Variants in GPS1 observed in about 807,000 individuals in gnomAD.
The protein encoded by GPS1 is COP9 signalosome complex subunit 1.
GPS1 carries 11 observed loss-of-function variants against 60.0 expected under a neutral mutation model. That is an observed-to-expected ratio of 0.18 (90% CI 0.12 to 0.30). The LOEUF (loss-of-function observed/expected upper bound fraction) is 0.30, where lower values mean the gene tolerates loss of function less well. Ranked by LOEUF, GPS1 falls within the 10% of genes least tolerant of loss-of-function variation. GPS1 has a pLI of 1.00. For missense variants in GPS1, 543 were observed against 669.2 expected (o/e 0.81, Z 2.08); for synonymous variants, 343 against 269.8 (o/e 1.27, Z -2.66).
rs1197464547 is a variant in GPS1, at chr17:82,056,752, G to A, written c.1240G>A (p.Asp414Asn). 1.3e-6 allele frequency: 2 copies of A among 1,591,534 alleles called. No individual in the cohort carries two copies. Among genetic ancestry groups the A allele is most frequent in the African/African-American group, 2.7e-5 (2 of 74,688 alleles). ...ILEGLISARV[D>N]SHSKILYARD... ...GGAGGGGCTGATCAGTGCCCGTGTG[G>A]ACTCACACAGCAAGGTGGCTGTGGG... The change falls in exon 11 of 13, where the codon GAC (aspartate) becomes AAC (asparagine). Residue 414 changes from aspartate to asparagine, a missense_variant. Asp to Asn is a conservative substitution (Grantham distance 23). Coordinates refer to ENST00000578552, the MANE Select transcript of GPS1 (RefSeq NM_001321092.3).
chr17:82,052,021 C>CCGGGCTGAGGT (rs1598477014), intron 1 of GPS1, 57 bp downstream of exon 1: 1 of 1,118,690 alleles, frequency 8.9e-7, no homozygotes, highest in East Asian at 4.3e-5. Context: ...GCCACTGGGG[C>CCGGGCTGAGGT]CGGGCTGAGG....
In GPS1 at chr17:82,056,686, A is replaced by G. The variant is rs375440587; in HGVS notation, c.1174A>G (p.Thr392Ala). Residue 392 changes from threonine (T) to alanine (A), a missense_variant, in exon 11 of 13, where the codon ACG becomes GCG. By Grantham distance (58) the Thr-to-Ala change is moderately conservative. Transcript: ENST00000578552. ...MHRMAAAFNT[T>A]VAALEDELTQ... Reference sequence around the variant, plus strand: ...TAGGATGGCGGCAGCCTTCAATACCACGGTGGCCGCCCTGGAGGACGAGCT... The same window carrying G: ...TAGGATGGCGGCAGCCTTCAATACCGCGGTGGCCGCCCTGGAGGACGAGCT... 1.1e-5 allele frequency: 18 copies of G among 1,597,830 alleles called. No individual in the cohort carries two copies. Among genetic ancestry groups the G allele is most frequent in the Non-Finnish European group, 1.5e-5 (18 of 1,171,112 alleles).
intron 6 of GPS1, chr17:82,055,482 G>A: frequency 3.3e-6 from 2 of 609,580 alleles, no homozygotes; most frequent in Non-Finnish European, 2.9e-6. Context: ...CTGAACTGGG[G>A]TGTCCTTTGC....
chr17:82,051,847 G>A, upstream of GPS1: 4 of 1,144,196 alleles, frequency 3.5e-6, no homozygotes, highest in Non-Finnish European at 4.3e-6. The surrounding 1 kb of genome is among the most constrained non-coding windows in gnomAD (Gnocchi z 4.1). Context: ...TAAGAACGCA[G>A]CGGCCCCGCC....
upstream of GPS1, chr17:82,051,837 T>A: frequency 8.8e-7 from 1 of 1,135,266 alleles, no homozygotes; most frequent in East Asian, 4.1e-5. The surrounding 1 kb of genome is among the most constrained non-coding windows in gnomAD (Gnocchi z 4.1). Flanking sequence ...GCGGCCCCTT[T>A]AAGAACGCAG....
chr17:82,051,360 T>C (rs1334039223), upstream of GPS1: 1 of 1,462,952 alleles, frequency 6.8e-7, no homozygotes, highest in South Asian at 1.6e-5. This position sits in a 1 kb window ranked among gnomAD's most constrained non-coding sequence, Gnocchi z 4.1. Context: ...AGAAACAATC[T>C]ATGAGGCTTC....
rs1033567318 is a variant in GPS1, at chr17:82,056,938, G to C, written c.1353G>C (p.Leu451=). Residue 451 remains leucine, a synonymous_variant, in exon 12 of 13, where the codon CTG becomes CTC. Transcript: ENST00000578552. ...EFQRRAKAMM[L]RAAVLRNQIH... The stretch of plus-strand genomic sequence containing the variant: ...AGCGCCGCGCCAAGGCCATGATGCT[G>C]CGGGCAGCTGTGCTCCGCAACCAGA... 6.2e-7 allele frequency: 1 copy of C among 1,612,928 alleles called. No homozygotes were observed. Among genetic ancestry groups the C allele is most frequent in the Non-Finnish European group, 8.5e-7 (1 of 1,179,956 alleles).
chr17:82,051,476 C>A (rs2030571049), upstream of GPS1: 1 of 1,349,538 alleles, frequency 7.4e-7, no homozygotes, highest in Non-Finnish European at 9.5e-7. The surrounding 1 kb of genome is among the most constrained non-coding windows in gnomAD (Gnocchi z 4.1). Flanking sequence ...TGGGGCTCGC[C>A]GTCGGGGTCG....
intron 1 of GPS1, 187 bp downstream of exon 1, chr17:82,052,151 G>T: frequency 9.2e-7 from 1 of 1,081,210 alleles, no homozygotes; most frequent in Non-Finnish European, 1.2e-6. Flanking sequence ...GTGGCTGCGC[G>T]CTGCGATCGG....
rs150111604 is a variant in GPS1, at chr17:82,057,183, C to G, written c.*56C>G. On this transcript the variant is annotated 3_prime_UTR_variant, in exon 13 of 13. Coordinates refer to ENST00000578552, the MANE Select transcript of GPS1 (RefSeq NM_001321092.3). ...ACCCCCTCCCCACCTCCACGGACCT[C>G]GGACCTCCAGGCGGCTCAGTGCTGC... is the stretch of plus-strand genomic sequence containing the variant. 1 of 1,578,746 alleles carries G rather than the reference C, an allele frequency of 6.3e-7. No individual in the cohort carries two copies. The highest frequency in any genetic ancestry group is 1.1e-5 in the South Asian group (1 of 87,458).
Position 82,054,361 on chromosome 17 carries a change from T to C in GPS1, c.309-149T>C, listed in dbSNP as rs146152187. 5,246 of 1,055,946 alleles carry C rather than the reference T, an allele frequency of 5.0e-3. 47 individuals carry two copies. The highest frequency in any genetic ancestry group is 4.2e-3 in the Non-Finnish European group (3,154 of 755,828). The allele number at this position is 1,055,946 out of a possible 1,614,324, so 65.4% of individuals were successfully genotyped here. On this transcript the variant is annotated intron_variant, in intron 3 of 12. Coordinates refer to ENST00000578552, the MANE Select transcript of GPS1 (RefSeq NM_001321092.3). Reference sequence around the variant, plus strand: ...TTCTCTCTGTGGCCCTGGTGCAGACTGGTCCCTAGAGGTGGGGTTTGAGGC... The same window carrying C: ...TTCTCTCTGTGGCCCTGGTGCAGACCGGTCCCTAGAGGTGGGGTTTGAGGC...
rs755967867 is a variant in GPS1 at position 82,054,960 on chromosome 17, C to A, written c.672C>A (p.Thr224=). ...VLSYVSKAES[T]PEIAEQRGER... is the part of the protein sequence containing the mutation. Reference sequence around the variant, plus strand: ...GCTACGTCAGCAAGGCTGAGTCCACCCCAGAGATTGCCGAGGTACGGGCCA... The same window carrying A: ...GCTACGTCAGCAAGGCTGAGTCCACACCAGAGATTGCCGAGGTACGGGCCA... Residue 224 remains threonine, a synonymous_variant, in exon 5 of 13, where the codon ACC becomes ACA. Coordinates refer to ENST00000578552, the MANE Select transcript of GPS1 (RefSeq NM_001321092.3). 5.6e-6 allele frequency: 9 copies of A among 1,612,784 alleles called. No homozygotes were observed. The highest frequency in any genetic ancestry group is 7.6e-6 in the Non-Finnish European group (9 of 1,179,864).
At chr17:82,052,267 C>T (rs750390121) in intron 1 of GPS1, 2 of 1,611,610 alleles carry the variant, frequency 1.2e-6, no homozygotes, top group East Asian at 2.2e-5. Context: ...AGCCAGCCAG[C>T]TCTGTGTCAG....
upstream of GPS1, chr17:82,051,108 G>A (rs1252346954): frequency 2.9e-5 from 39 of 1,349,098 alleles, no homozygotes; most frequent in South Asian, 2.0e-5. This position sits in a 1 kb window ranked among gnomAD's most constrained non-coding sequence, Gnocchi z 4.1. Context: ...GGCTGGTGGG[G>A]AGCAGAGCTT....
In GPS1 at chr17:82,056,289, C is replaced by T. The variant is rs1364486685; in HGVS notation, c.933C>T (p.Ser311=). 3 of 1,608,030 alleles carry T rather than the reference C, an allele frequency of 1.9e-6. No homozygotes were observed. The East Asian group carries it at 6.7e-5, about 36-fold the overall frequency. ...TCTGAGGGGTCTGCCTCACCAGCTCCTTCAAGTTGTTCTTGGAGCTGGAGC... is the reference window on the plus strand; with the variant it reads ...TCTGAGGGGTCTGCCTCACCAGCTCTTTCAAGTTGTTCTTGGAGCTGGAGC... ...ELQRNVISSS[S]FKLFLELEPQ... is the part of the protein sequence containing the mutation. The change falls in exon 9 of 13, where the codon TCC becomes TCT. Residue 311 remains serine (S), a synonymous_variant. Transcript: ENST00000578552.
upstream of GPS1, chr17:82,051,675 C>CGGGGCA (rs1189636019): frequency 3.5e-5 from 35 of 997,944 alleles, no homozygotes; most frequent in Non-Finnish European, 3.9e-5. The surrounding 1 kb of genome is among the most constrained non-coding windows in gnomAD (Gnocchi z 4.1). Context: ...GGCGGGCGCG[C>CGGGGCA]GGGGCAGCGG....
chr17:82,053,898 G>A lies in GPS1; in HGVS notation c.157G>A (p.Gly53Ser), dbSNP rs200940124. 1.6e-4 allele frequency: 251 copies of A among 1,612,212 alleles called. 1 individual carries two copies. Among genetic ancestry groups the A allele is most frequent in the Non-Finnish European group, 1.9e-4 (230 of 1,179,820 alleles). The change falls in exon 3 of 13, where the codon GGC becomes AGC. Residue 53 changes from glycine (G) to serine (S), a missense_variant. By Grantham distance (56) the Gly-to-Ser change is moderately conservative (BLOSUM62 0). This residue lies in a region of GPS1 where 181 missense variants were observed against 188.8 expected (regional missense o/e 0.96). Coordinates refer to ENST00000578552, the MANE Select transcript of GPS1 (RefSeq NM_001321092.3). ...GGAACAGTACGCGGCCAGCTACAGC[G>A]GCCTGATGCGCATCGAACGGCTGCA... is the stretch of plus-strand genomic sequence containing the variant. ...DLEQYAASYS[G>S]LMRIERLQFI...
chr17:82,052,192 C>T (rs2030872898), intron 1 of GPS1: 6 of 1,434,866 alleles, frequency 4.2e-6, no homozygotes, highest in Non-Finnish European at 5.7e-6. Context: ...CCCCGCCTCC[C>T]CTCCCAGCAG....
chr17:82,053,819 A>G, intron 2 of GPS1, 49 bp from the exon 3 acceptor site: 2 of 1,556,872 alleles, frequency 1.3e-6, no homozygotes, highest in South Asian at 2.3e-5. Flanking sequence ...GCCTGGGGCC[A>G]GGGTCCTGCC....
Sources: gnomAD v4.1 joint callset for allele counts on GRCh38, gnomAD v4.1.1 for gene constraint, gnomAD v4.1.1 regional missense constraint, Gnocchi (gnomAD v3.1) non-coding constraint, MANE v1.5 for transcripts, NCBI Gene and HGNC (gene_info 2026-07-23, HGNC 2026-07-21) for gene names.